PIP5K1B: variants seen among roughly 807,000 people sequenced by gnomAD.
PIP5K1B encodes phosphatidylinositol-4-phosphate 5-kinase type 1 beta.
In PIP5K1B, 42 loss-of-function variants were observed where a neutral mutation model predicts 67.0. The observed-to-expected ratio is 0.63, with a 90% CI of 0.49 to 0.81. PIP5K1B has a LOEUF of 0.81. Ranked by LOEUF, PIP5K1B falls within the 30% of genes least tolerant of loss-of-function variation. The pLI is 0.00. For synonymous variants in PIP5K1B, 214 were observed against 231.4 expected (o/e 0.92, Z 0.68); for missense variants, 459 against 646.3 (o/e 0.71, Z 3.14).
Position 68,773,978 on chromosome 9 carries a change from C to T in PIP5K1B, c.-86+31321C>T, listed in dbSNP as rs575545148. Among the ~76,000 whole-genome samples, 10 of 152,128 alleles carry T rather than the reference C, an allele frequency of 6.6e-5. No homozygotes were observed. In the South Asian group the frequency reaches 8.3e-4, roughly 13 times the overall value. On this transcript the variant is annotated intron_variant, in intron 2 of 15. Coordinates refer to ENST00000265382, the MANE Select transcript of PIP5K1B (RefSeq NM_003558.4). ...TCTTCACATATGTTCTAACAGCCCA[C>T]GCTGAGTTCCTATGATGCTACTTTA... is the stretch of plus-strand genomic sequence containing the variant.
At chr9:68,873,118 A>T (rs1823706736) in intron 5 of PIP5K1B, among the ~76,000 whole-genome samples, 1 of 152,030 alleles carries the variant, frequency 6.6e-6, no homozygotes, top group Non-Finnish European at 1.5e-5. Flanking sequence ...CCCTCAAGCT[A>T]CATCACAGTC....
chr9:68,902,095 G>A (rs1395743457), intron 8 of PIP5K1B, among the ~76,000 whole-genome samples: 1 of 152,124 alleles, frequency 6.6e-6, no homozygotes, highest in African/African-American at 2.4e-5. Flanking sequence ...ACCTACTGAC[G>A]TTTTTCAGCT....
chr9:69,003,785 T>C (rs1463154275), intron 15 of PIP5K1B, among the ~76,000 whole-genome samples: 1 of 152,188 alleles, frequency 6.6e-6, no homozygotes, highest in Non-Finnish European at 1.5e-5. Flanking sequence ...GCCCTTCCTG[T>C]GGCTCTGAAA....
At chr9:68,718,625 A>G (rs1827739541) in intron 1 of PIP5K1B, among the ~76,000 whole-genome samples, 1 of 152,226 alleles carries the variant, frequency 6.6e-6, no homozygotes, top group South Asian at 2.1e-4. Flanking sequence ...ACTGCCAGCA[A>G]TTATTATGGC....
intron 8 of PIP5K1B, among the ~76,000 whole-genome samples, chr9:68,908,904 T>C (rs1427519627): frequency 6.6e-6 from 1 of 152,366 alleles, no homozygotes; most frequent in South Asian, 2.1e-4. Context: ...CTAGGCCAAC[T>C]GGAAACATTA....
intron 2 of PIP5K1B, among the ~76,000 whole-genome samples, chr9:68,766,237 G>A (rs1472427663): frequency 2.6e-5 from 4 of 152,056 alleles, no homozygotes; most frequent in Non-Finnish European, 4.4e-5. Flanking sequence ...ATGGATTGCA[G>A]GAAACTTTTA....
At chr9:68,864,456 A>G (rs1281781098) in intron 5 of PIP5K1B, among the ~76,000 whole-genome samples, 5 of 152,254 alleles carry the variant, frequency 3.3e-5, no homozygotes, top group Non-Finnish European at 7.3e-5. Context: ...TCGAGAAAAC[A>G]TGGATAATCC....
chr9:68,885,105 A>C (rs760360304), intron 6 of PIP5K1B, among the ~76,000 whole-genome samples: 1 of 152,266 alleles, frequency 6.6e-6, no homozygotes, highest in Non-Finnish European at 1.5e-5. Flanking sequence ...ATGTATATAC[A>C]CAATGGAATA....
At chr9:68,743,041 T>G (rs1324863883) in intron 2 of PIP5K1B, among the ~76,000 whole-genome samples, 1 of 152,114 alleles carries the variant, frequency 6.6e-6, no homozygotes, top group Non-Finnish European at 1.5e-5. Context: ...CTGTCAGACT[T>G]TGAATGAACG....
intron 14 of PIP5K1B, among the ~76,000 whole-genome samples, chr9:68,947,640 C>A (rs73443515): frequency 0.013 from 2,002 of 152,234 alleles, 35 homozygotes; most frequent in African/African-American, 0.04. Flanking sequence ...AGTGTGAGTG[C>A]AAGAACAGGA....
intron 14 of PIP5K1B, among the ~76,000 whole-genome samples, chr9:68,984,246 G>T (rs968059688): frequency 3.9e-5 from 6 of 152,188 alleles, no homozygotes; most frequent in African/African-American, 1.2e-4. Context: ...TTGAAAGTCA[G>T]ATTCATCTGA....
chr9:68,853,355 T>C (rs1822591664), intron 4 of PIP5K1B, among the ~76,000 whole-genome samples: 1 of 152,182 alleles, frequency 6.6e-6, no homozygotes. Context: ...GCTGGCCCAC[T>C]GTGAGATATG....
chr9:68,805,957 C>G (rs1434171305), intron 2 of PIP5K1B, among the ~76,000 whole-genome samples: 2 of 152,176 alleles, frequency 1.3e-5, no homozygotes, highest in Non-Finnish European at 1.5e-5. Flanking sequence ...CTCTGTCTGT[C>G]TGGAAACACA....
intron 2 of PIP5K1B, chr9:68,783,629 C>A (rs1831433619): frequency 6.0e-6 from 1 of 166,960 alleles, no homozygotes; most frequent in Admixed American, 6.5e-5. Flanking sequence ...CTCTTCTTTA[C>A]TTTTCCCCAT....
At chr9:68,866,107 A>AGT (rs781248326) in intron 5 of PIP5K1B, among the ~76,000 whole-genome samples, 1 of 151,674 alleles carries the variant, frequency 6.6e-6, no homozygotes. Context: ...ATTTAGAGGC[A>AGT]TCCATTGTCA....
intron 14 of PIP5K1B, among the ~76,000 whole-genome samples, chr9:68,954,800 A>G (rs892435718): frequency 6.6e-6 from 1 of 152,202 alleles, no homozygotes; most frequent in Admixed American, 6.5e-5. Context: ...ATGTGGGAAC[A>G]AACAGGGTTG....
rs542651510 is a variant in PIP5K1B at position 68,775,714 on chromosome 9, T to C, written c.-86+33057T>C. ...GTTGGCCACAGGTTAACCAAAACTG[T>C]GGGTAGGAGGGGACTACTTATTTTG... On this transcript the variant is annotated intron_variant, in intron 2 of 15. Coordinates refer to ENST00000265382, the MANE Select transcript of PIP5K1B (RefSeq NM_003558.4). Among the ~76,000 whole-genome samples, 13 of 152,312 alleles carry C rather than the reference T, an allele frequency of 8.5e-5. No individual in the cohort carries two copies. The South Asian group carries it at 2.5e-3, about 29-fold the overall frequency.
intron 2 of PIP5K1B, among the ~76,000 whole-genome samples, chr9:68,811,402 A>G (rs915723257): frequency 3.9e-5 from 6 of 152,028 alleles, no homozygotes; most frequent in African/African-American, 1.4e-4. Context: ...GATGCTTTTC[A>G]TGAGGTTGGT....
At chr9:68,962,850 A>G (rs1443676610) in intron 14 of PIP5K1B, among the ~76,000 whole-genome samples, 2 of 152,194 alleles carry the variant, frequency 1.3e-5, no homozygotes, top group African/African-American at 4.8e-5. Flanking sequence ...GACAACTTCA[A>G]GGCAATTCTA....
Sources: allele counts gnomAD v4.1 joint callset (sites outside exome capture counted in the v4.1 genomes callset), GRCh38; gene constraint gnomAD v4.1.1; transcripts MANE v1.5; gene names NCBI Gene and HGNC (gene_info 2026-07-23, HGNC 2026-07-21).